Variants in RASSF5 observed in about 807,000 individuals in gnomAD.
The protein encoded by RASSF5 is Ras association domain family member 5, also known as ras association domain-containing protein 5.
Under a neutral mutation model 40.5 loss-of-function variants are expected in RASSF5, and 25 were observed. The observed-to-expected ratio is 0.62, with a 90% CI of 0.45 to 0.86. The LOEUF (loss-of-function observed/expected upper bound fraction) is 0.86. Among genes scored for constraint, RASSF5 ranks in the 40% least tolerant of loss-of-function variants. The pLI, the probability that RASSF5 is intolerant of heterozygous loss-of-function variation, is 0.00. For synonymous variants in RASSF5, 246 were observed against 252.4 expected (o/e 0.97, Z 0.24); for missense variants, 521 against 572.8 (o/e 0.91, Z 0.92).
rs540446725 is a variant in RASSF5 at position 206,562,527 on chromosome 1, C to G, written c.580-20742C>G. Among the ~76,000 whole-genome samples the G allele has an allele frequency of 8.5e-5, 13 of 152,322 alleles. No individual in the cohort carries two copies. The South Asian group carries it at 1.2e-3, about 15-fold the overall frequency. On this transcript the variant is annotated intron_variant, in intron 2 of 5. Transcript: ENST00000579436. Reference sequence around the variant, plus strand: ...TTAGAGATGCCGTCCGAACTCCACACTCGTGGGATTCACTGCCCGCTGCCT... The same window carrying G: ...TTAGAGATGCCGTCCGAACTCCACAGTCGTGGGATTCACTGCCCGCTGCCT...
At chr1:206,554,910 C>A (rs1667941552) in intron 2 of RASSF5, among the ~76,000 whole-genome samples, 1 of 152,158 alleles carries the variant, frequency 6.6e-6, no homozygotes, top group African/African-American at 2.4e-5. Context: ...GGCTTTCTTC[C>A]CAACCTAGAT....
chr1:206,556,053 G>C (rs1667975784), intron 2 of RASSF5, among the ~76,000 whole-genome samples: 1 of 152,216 alleles, frequency 6.6e-6, no homozygotes. Flanking sequence ...CCACAGTCCA[G>C]GGCCCTCCGG....
intron 1 of RASSF5, among the ~76,000 whole-genome samples, chr1:206,537,318 A>G (rs908638624): frequency 1.3e-5 from 2 of 152,112 alleles, no homozygotes; most frequent in Non-Finnish European, 2.9e-5. Context: ...GAATCCCCGG[A>G]TCTGGGATGT....
At position 206,531,536 on chromosome 1, in the gene RASSF5, T is replaced by C. The variant is rs548755753; in HGVS notation, c.458-6636T>C. Among the ~76,000 whole-genome samples the C allele has an allele frequency of 1.3e-5, 2 of 152,240 alleles. No individual in the cohort carries two copies. Among genetic ancestry groups the C allele is most frequent in the African/African-American group, 4.8e-5 (2 of 41,550 alleles). ...GGTGGAGCTGCCCTGGGATGGTCTG[T>C]GCGCAGAGGGCGCTGGAGACCCTCT... On this transcript the variant is annotated intron_variant, in intron 1 of 5. Transcript: ENST00000579436. This position sits in a 1 kb window ranked among gnomAD's most constrained non-coding sequence, Gnocchi z 4.7.
intron 1 of RASSF5, among the ~76,000 whole-genome samples, chr1:206,521,107 G>A (rs1263912897): frequency 6.6e-6 from 1 of 152,128 alleles, no homozygotes; most frequent in Non-Finnish European, 1.5e-5. Context: ...TAGCCCACCG[G>A]GTATCTTTAG....
chr1:206,529,161 GC>G, intron 1 of RASSF5: 1 of 1,505,910 alleles, frequency 6.6e-7, no homozygotes, highest in Non-Finnish European at 9.0e-7. Context: ...GTTCACCCAG[GC>G]CCTGGACCGC....
At chr1:206,557,114 G>A (rs1412495777) in intron 2 of RASSF5, 29 of 988,680 alleles carry the variant, frequency 2.9e-5, no homozygotes, top group Non-Finnish European at 1.1e-5. Flanking sequence ...GGGGAGGGGC[G>A]CAGTGACAGC....
At chr1:206,549,614 G>A (rs539488146) in intron 2 of RASSF5, among the ~76,000 whole-genome samples, 3 of 152,294 alleles carry the variant, frequency 2.0e-5, no homozygotes, top group East Asian at 3.9e-4. Flanking sequence ...ACCCAGCCCT[G>A]TGGAAATATT....
intron 2 of RASSF5, chr1:206,542,048 A>G (rs1377855179): frequency 6.6e-6 from 1 of 152,222 alleles, no homozygotes; most frequent in Non-Finnish European, 1.5e-5. Context: ...GAATGCACAG[A>G]TTGCAAGAGA....
chr1:206,532,404 T>G (rs527569010), intron 1 of RASSF5, among the ~76,000 whole-genome samples: 1 of 152,268 alleles, frequency 6.6e-6, no homozygotes, highest in South Asian at 2.1e-4. Context: ...TCAGAGAAGT[T>G]CATAACTTAC....
chr1:206,567,716 A>G (rs959574917), intron 2 of RASSF5, among the ~76,000 whole-genome samples: 1 of 152,138 alleles, frequency 6.6e-6, no homozygotes, highest in Non-Finnish European at 1.5e-5. Flanking sequence ...GTGTGGAGGT[A>G]TAAGGCTGTG....
intron 1 of RASSF5, among the ~76,000 whole-genome samples, chr1:206,527,264 G>A (rs1553397348): frequency 6.6e-6 from 1 of 152,172 alleles, no homozygotes; most frequent in African/African-American, 2.4e-5. Flanking sequence ...TGGTAAGTGG[G>A]TGCGCTCTGG....
At chr1:206,516,518 G>A (rs1666749458) in intron 1 of RASSF5, among the ~76,000 whole-genome samples, 1 of 152,030 alleles carries the variant, frequency 6.6e-6, no homozygotes, top group Admixed American at 6.6e-5. Flanking sequence ...GTGCAGTGGT[G>A]CAATCTCGGC....
chr1:206,523,695 T>C (rs1241163405), intron 1 of RASSF5, among the ~76,000 whole-genome samples: 3 of 84,204 alleles, frequency 3.6e-5, no homozygotes, highest in Admixed American at 4.3e-4. Context: ...ATATTATATA[T>C]AATATATTTA....
At chr1:206,512,012 T>A (rs1256726812) in intron 1 of RASSF5, among the ~76,000 whole-genome samples, 8 of 152,224 alleles carry the variant, frequency 5.3e-5, no homozygotes, top group African/African-American at 1.9e-4. Context: ...TCTGTATTTA[T>A]TTACCTTGGG....
intron 2 of RASSF5, among the ~76,000 whole-genome samples, chr1:206,539,147 T>A (rs1423743743): frequency 6.6e-6 from 1 of 152,216 alleles, no homozygotes; most frequent in Non-Finnish European, 1.5e-5. Context: ...GTCAGGGAAG[T>A]AAGAATATCA....
At chr1:206,537,172 T>C (rs1190162198) in intron 1 of RASSF5, among the ~76,000 whole-genome samples, 5 of 152,210 alleles carry the variant, frequency 3.3e-5, no homozygotes, top group Non-Finnish European at 5.9e-5. Context: ...CTGTGTGTCA[T>C]TGGGCACCTC....
At chr1:206,576,059 G>A (rs1000146813) in intron 2 of RASSF5, among the ~76,000 whole-genome samples, 4 of 152,170 alleles carry the variant, frequency 2.6e-5, no homozygotes, top group Non-Finnish European at 5.9e-5. Flanking sequence ...TCAGCCAAGC[G>A]GGGTGCCAAA....
At chr1:206,526,696 A>G (rs1308572433) in intron 1 of RASSF5, among the ~76,000 whole-genome samples, 2 of 152,154 alleles carry the variant, frequency 1.3e-5, no homozygotes, top group Non-Finnish European at 2.9e-5. Flanking sequence ...CACCCATTAA[A>G]GGCAGAAGTT....
Sources: allele counts gnomAD v4.1 joint callset (sites outside exome capture counted in the v4.1 genomes callset), GRCh38; gene constraint gnomAD v4.1.1; non-coding constraint Gnocchi (gnomAD v3.1); transcripts MANE v1.5; gene names NCBI Gene and HGNC (gene_info 2026-07-23, HGNC 2026-07-21).